AGPAT3: variants seen among roughly 807,000 people sequenced by gnomAD.
AGPAT3 encodes 1-acyl-sn-glycerol-3-phosphate acyltransferase gamma.
Under a neutral mutation model 47.3 loss-of-function variants are expected in AGPAT3, and 5 were observed. The observed-to-expected ratio is 0.11, with a 90% confidence interval of 0.06 to 0.22. AGPAT3 has a LOEUF of 0.22. AGPAT3 is among the 10% of genes least tolerant of loss of function. The probability of loss-of-function intolerance (pLI) is 1.00; values close to 1 mark genes in which losing one functional copy is unlikely to be tolerated. For missense variants in AGPAT3, 315 were observed against 493.0 expected (o/e 0.64, Z 3.42); for synonymous variants, 212 against 208.3 (o/e 1.02, Z -0.15).
At chr21:43,977,773 G>A (rs1315027621) in intron 7 of AGPAT3, among the ~76,000 whole-genome samples, 1 of 152,164 alleles carries the variant, frequency 6.6e-6, no homozygotes, top group African/African-American at 2.4e-5. Flanking sequence ...TGTAGTCCCA[G>A]CTGCTGGGGA....
intron 2 of AGPAT3, among the ~76,000 whole-genome samples, chr21:43,912,237 A>G (rs2086645622): frequency 6.6e-6 from 1 of 152,230 alleles, no homozygotes; most frequent in Non-Finnish European, 1.5e-5. Context: ...GTGGCAGAGG[A>G]CGATGCCGGG....
intron 1 of AGPAT3, among the ~76,000 whole-genome samples, chr21:43,902,255 C>T (rs903970826): frequency 1.3e-5 from 2 of 152,132 alleles, no homozygotes; most frequent in Admixed American, 6.5e-5. Context: ...TTTCAAATAT[C>T]GAAAGACAAT....
In AGPAT3 at chr21:43,886,478, C is replaced by T. The variant is rs1687451149; in HGVS notation, c.-111-17479C>T. 2.6e-5 allele frequency among the ~76,000 whole-genome samples: 4 copies of T among 152,106 alleles called. No individual in the cohort carries two copies. In the South Asian group the frequency reaches 8.3e-4, roughly 32 times the overall value. On this transcript the variant is annotated intron_variant, in intron 1 of 9. Transcript: ENST00000291572. ...TGTTGGCCAGGCTGGTCTCGAACTC[C>T]TGACCTCAAGTGATCCACCCGACTC...
chr21:43,891,980 A>G (rs938297525), intron 1 of AGPAT3, among the ~76,000 whole-genome samples: 7 of 152,072 alleles, frequency 4.6e-5, no homozygotes, highest in South Asian at 2.1e-4. Context: ...TTCCTATACA[A>G]TGTATTTCTT....
At chr21:43,868,534 A>G (rs1020290769) in intron 1 of AGPAT3, among the ~76,000 whole-genome samples, 2 of 152,216 alleles carry the variant, frequency 1.3e-5, no homozygotes, top group African/African-American at 4.8e-5. Flanking sequence ...GAAAGCGGGT[A>G]GAGAATGAAA....
intron 1 of AGPAT3, among the ~76,000 whole-genome samples, chr21:43,891,783 G>T (rs1236592257): frequency 6.6e-6 from 1 of 152,060 alleles, no homozygotes; most frequent in African/African-American, 2.4e-5. Flanking sequence ...CTGAAGTCTT[G>T]AACTCCTCAA....
intron 3 of AGPAT3, among the ~76,000 whole-genome samples, chr21:43,962,425 A>G (rs1371138829): frequency 6.6e-6 from 1 of 152,232 alleles, no homozygotes. Flanking sequence ...AGATGAATAC[A>G]TACAAAAAGG....
At chr21:43,935,144 T>G (rs1034875525) in intron 2 of AGPAT3, among the ~76,000 whole-genome samples, 2 of 152,232 alleles carry the variant, frequency 1.3e-5, no homozygotes, top group African/African-American at 4.8e-5. Flanking sequence ...ACCTGGCAAT[T>G]CTGGAGAGCT....
At chr21:43,956,645 G>C (rs2088480340) in intron 2 of AGPAT3, among the ~76,000 whole-genome samples, 1 of 152,206 alleles carries the variant, frequency 6.6e-6, no homozygotes, top group African/African-American at 2.4e-5. Flanking sequence ...ACAGTGTGTG[G>C]AGTCAGCAAT....
chr21:43,873,036 G>A (rs1279626678), intron 1 of AGPAT3, among the ~76,000 whole-genome samples: 1 of 152,220 alleles, frequency 6.6e-6, no homozygotes, highest in African/African-American at 2.4e-5. Context: ...GACAAGTGCT[G>A]GAGAAGATGT....
At chr21:43,873,670 G>A (rs1429602388) in intron 1 of AGPAT3, among the ~76,000 whole-genome samples, 1 of 152,178 alleles carries the variant, frequency 6.6e-6, no homozygotes, top group African/African-American at 2.4e-5. Context: ...GAGCCACTGC[G>A]CCCAGCCCAA....
chr21:43,949,190 GGTTTAT>G (rs527344852), intron 2 of AGPAT3, among the ~76,000 whole-genome samples: 219 of 152,226 alleles, frequency 1.4e-3, no homozygotes, highest in Admixed American at 1.9e-3. Flanking sequence ...TATATATTTA[GGTTTAT>G]GTATCATTTA....
intron 2 of AGPAT3, among the ~76,000 whole-genome samples, chr21:43,951,251 C>A (rs1356501829): frequency 1.3e-5 from 2 of 152,226 alleles, no homozygotes; most frequent in African/African-American, 4.8e-5. Context: ...AGGGAGCTGA[C>A]AGCCGTTTCT....
Position 43,908,638 on chromosome 21 carries a change from A to G in AGPAT3, c.-49+4619A>G, listed in dbSNP as rs1486618115. Among the ~76,000 whole-genome samples the G allele has an allele frequency of 2.6e-5, 4 of 152,210 alleles. No individual in the cohort carries two copies. The highest frequency in any genetic ancestry group is 4.4e-5 in the Non-Finnish European group (3 of 68,030). Reference sequence around the variant, plus strand: ...ACCTATGGCCTCCAGCTCCGGGTTCAGGGCTGTGTCCAGGTTCAGGGGACT... The same window carrying G: ...ACCTATGGCCTCCAGCTCCGGGTTCGGGGCTGTGTCCAGGTTCAGGGGACT... On this transcript the variant is annotated intron_variant, in intron 2 of 9. Coordinates refer to ENST00000291572, the MANE Select transcript of AGPAT3 (RefSeq NM_020132.5). The surrounding 1 kb of genome is among the most constrained non-coding windows in gnomAD (Gnocchi z 4.9).
chr21:43,977,537 A>C (rs899561403), intron 7 of AGPAT3, among the ~76,000 whole-genome samples: 1 of 152,230 alleles, frequency 6.6e-6, no homozygotes, highest in Non-Finnish European at 1.5e-5. Context: ...CTGTGTACTC[A>C]GGGCGGATGC....
At chr21:43,886,033 G>A (rs890025514) in intron 1 of AGPAT3, among the ~76,000 whole-genome samples, 3 of 152,208 alleles carry the variant, frequency 2.0e-5, no homozygotes, top group Non-Finnish European at 2.9e-5. Flanking sequence ...CATGGCAATC[G>A]TGATGCCATA....
chr21:43,963,987 TG>T (rs2089004762), intron 3 of AGPAT3, among the ~76,000 whole-genome samples: 3 of 152,170 alleles, frequency 2.0e-5, no homozygotes, highest in Admixed American at 2.0e-4. Flanking sequence ...TTTAAGGATG[TG>T]TTTCAGTAAG....
chr21:43,950,022 C>T (rs1394477399), intron 2 of AGPAT3, among the ~76,000 whole-genome samples: 2 of 152,248 alleles, frequency 1.3e-5, no homozygotes, highest in Non-Finnish European at 2.9e-5. Flanking sequence ...CTGAAAGGCA[C>T]CAGCCAGGCA....
intron 1 of AGPAT3, among the ~76,000 whole-genome samples, chr21:43,887,962 G>A (rs749554461): frequency 2.0e-5 from 3 of 152,270 alleles, no homozygotes; most frequent in East Asian, 3.9e-4. Flanking sequence ...CCATATACAC[G>A]TTCTTGTTGT....
Sources: gnomAD v4.1 joint callset for allele counts (sites outside exome capture counted in the v4.1 genomes callset) on GRCh38, gnomAD v4.1.1 for gene constraint, Gnocchi (gnomAD v3.1) non-coding constraint, MANE v1.5 for transcripts, NCBI Gene and HGNC (gene_info 2026-07-23, HGNC 2026-07-21) for gene names.